The following DMD variants were observed in gnomAD, a reference collection of about 807,000 sequenced individuals.
DMD encodes dystrophin.
Under a neutral mutation model 330.1 loss-of-function variants are expected in DMD, and 63 were observed. The observed-to-expected ratio is 0.19, with a 90% CI of 0.16 to 0.24. DMD has a LOEUF of 0.24. Ranked by LOEUF, DMD falls within the 10% of genes least tolerant of loss-of-function variation. DMD has a pLI of 1.00. For synonymous variants in DMD, 1,223 were observed against 959.8 expected, an observed-to-expected ratio of 1.27 and a Z score of -5.07; for missense variants, 3,344 against 2,684.1, an observed-to-expected ratio of 1.25 and a Z score of -5.43.
intron 17 of DMD, among the ~76,000 whole-genome samples, chrX:32,536,780 A>T (rs1196217010): frequency 9.0e-6 from 1 of 111,651 alleles, no homozygotes; most frequent in East Asian, 2.8e-4. Context: ...GGAGCAGAGG[A>T]GAAGGGAGTG....
At chrX:32,743,534 T>G (rs1198568092) in intron 7 of DMD, among the ~76,000 whole-genome samples, 1 of 111,427 alleles carries the variant, frequency 9.0e-6, no homozygotes, top group Non-Finnish European at 1.9e-5. Flanking sequence ...GTACTCTTTC[T>G]GGTTAGGATT....
intron 77 of DMD, among the ~76,000 whole-genome samples, chrX:31,130,287 T>G (rs1199314124): frequency 8.9e-6 from 1 of 112,296 alleles, no homozygotes; most frequent in African/African-American, 3.2e-5. Context: ...TTGTTTATTG[T>G]ACCCATGTAG....
intron 60 of DMD, among the ~76,000 whole-genome samples, chrX:31,371,512 G>A (rs1420135993): frequency 9.0e-6 from 1 of 111,040 alleles, no homozygotes; most frequent in Admixed American, 9.6e-5. Flanking sequence ...CAGTTCAGAT[G>A]GGGAAATAAG....
At chrX:32,109,264 ACT>A (rs1187313460) in intron 44 of DMD, among the ~76,000 whole-genome samples, 1 of 109,941 alleles carries the variant, frequency 9.1e-6, no homozygotes, top group Non-Finnish European at 1.9e-5. Context: ...GCATTTAGAG[ACT>A]CTATGCGCCC....
intron 59 of DMD, among the ~76,000 whole-genome samples, chrX:31,471,980 G>T (rs1305024136): frequency 1.8e-5 from 2 of 111,911 alleles, no homozygotes; most frequent in African/African-American, 3.2e-5. Flanking sequence ...CAAATAACAG[G>T]AATTAGCTTC....
chrX:31,138,663 G>GTGTGA (rs1478230048), intron 76 of DMD, among the ~76,000 whole-genome samples: 2 of 94,087 alleles, frequency 2.1e-5, no homozygotes, highest in African/African-American at 3.9e-5. Flanking sequence ...GAGAGAGAGA[G>GTGTGA]AGAGAGAGAG....
chrX:32,332,969 G>T (rs2097688399), intron 41 of DMD, among the ~76,000 whole-genome samples: 1 of 110,683 alleles, frequency 9.0e-6, no homozygotes, highest in South Asian at 3.8e-4. Context: ...AAATAAAAAT[G>T]GCAAGTGCCC....
intron 49 of DMD, among the ~76,000 whole-genome samples, chrX:31,828,493 G>A (rs1335725688): frequency 9.2e-6 from 1 of 109,289 alleles, no homozygotes; most frequent in Non-Finnish European, 1.9e-5. Context: ...GTGAAACTCC[G>A]ACTCTACTAA....
chrX:32,839,923 A>C (rs928563393), intron 4 of DMD, among the ~76,000 whole-genome samples: 17 of 111,104 alleles, frequency 1.5e-4, no homozygotes, highest in East Asian at 5.7e-4. Context: ...GTTGGCCAGG[A>C]TGGTCTCAAT....
At chrX:31,928,381 G>T (rs1381393494) in intron 47 of DMD, among the ~76,000 whole-genome samples, 1 of 111,424 alleles carries the variant, frequency 9.0e-6, no homozygotes, top group Non-Finnish European at 1.9e-5. Context: ...AAGGTGGGCG[G>T]ATCACCTGAG....
chrX:31,948,500 G>A (rs1269922157), intron 45 of DMD, among the ~76,000 whole-genome samples: 2 of 110,718 alleles, frequency 1.8e-5, no homozygotes, highest in Admixed American at 9.6e-5. Context: ...GTGTACTAGC[G>A]TTCCGATTTC....
chrX:32,717,715 C>A (rs763195508), intron 7 of DMD, among the ~76,000 whole-genome samples: 1 of 110,924 alleles, frequency 9.0e-6, no homozygotes, highest in African/African-American at 3.3e-5. Flanking sequence ...CTGGAAAAGC[C>A]CCAGTCACTC....
intron 2 of DMD, among the ~76,000 whole-genome samples, chrX:32,986,190 C>T (rs773576608): frequency 1.8e-5 from 2 of 110,765 alleles, no homozygotes; most frequent in Non-Finnish European, 3.8e-5. Context: ...TTATATTATT[C>T]CTATTATTAT....
intron 55 of DMD, among the ~76,000 whole-genome samples, chrX:31,513,502 G>A (rs2071864685): frequency 1.8e-5 from 2 of 111,294 alleles, no homozygotes. Flanking sequence ...GGAGTTCTCA[G>A]TGGGTAGCCA....
At chrX:31,217,054 G>A (rs1221398371) in intron 64 of DMD, among the ~76,000 whole-genome samples, 3 of 111,901 alleles carry the variant, frequency 2.7e-5, no homozygotes, top group African/African-American at 9.7e-5. Flanking sequence ...TGTTAAGTGC[G>A]TTTTTATTTC....
intron 1 of DMD, among the ~76,000 whole-genome samples, chrX:33,245,676 G>C (rs2052653332): frequency 8.9e-6 from 1 of 111,878 alleles, no homozygotes; most frequent in Non-Finnish European, 1.9e-5. Flanking sequence ...TGAATGCAGT[G>C]GCTACTTCTA....
At chrX:32,213,833 G>A (rs1359965888) in intron 44 of DMD, among the ~76,000 whole-genome samples, 1 of 110,402 alleles carries the variant, frequency 9.1e-6, no homozygotes, top group Non-Finnish European at 1.9e-5. Context: ...AATTAGCCAG[G>A]TGTGGGGGTG....
At chrX:32,388,743 T>C (rs2097978707) in intron 32 of DMD, among the ~76,000 whole-genome samples, 1 of 110,479 alleles carries the variant, frequency 9.1e-6, no homozygotes, top group Admixed American at 9.7e-5. Context: ...TCATTTTATG[T>C]GACTTCCCAC....
At chrX:33,130,838 A>G (rs2095495259) in intron 1 of DMD, among the ~76,000 whole-genome samples, 1 of 111,905 alleles carries the variant, frequency 8.9e-6, no homozygotes, top group Non-Finnish European at 1.9e-5. Context: ...GGCGTGAGCC[A>G]CAGCGCCTGG....
Sources: gnomAD v4.1 joint callset for allele counts (sites outside exome capture counted in the v4.1 genomes callset) on GRCh38, gnomAD v4.1.1 for gene constraint, MANE v1.5 for transcripts, NCBI Gene and HGNC (gene_info 2026-07-23, HGNC 2026-07-21) for gene names.